The following FAT2 variants were observed in gnomAD, a reference collection of about 807,000 sequenced individuals.
The protein encoded by FAT2 is FAT atypical cadherin 2.
FAT2 carries 150 observed loss-of-function variants against 295.3 expected under a neutral mutation model. The observed-to-expected ratio is 0.51, with a 90% CI of 0.44 to 0.58. The LOEUF (loss-of-function observed/expected upper bound fraction) is 0.58. Among genes scored for constraint, FAT2 ranks in the 20% least tolerant of loss-of-function variants. The pLI is 0.00. For synonymous variants in FAT2, 2,026 were observed against 2,150.3 expected (o/e 0.94, Z 1.60); for missense variants, 4,868 against 5,442.7 (o/e 0.89, Z 3.32).
At chr5:151,580,323 G>A (rs966967111) in intron 1 of FAT2, among the ~76,000 whole-genome samples, 7 of 152,160 alleles carry the variant, frequency 4.6e-5, no homozygotes, top group African/African-American at 1.7e-4. Context: ...GCATTGAGGG[G>A]CAAAGCTGAG....
chr5:151,537,007 C>T (rs1755386908), intron 12 of FAT2, among the ~76,000 whole-genome samples: 3 of 152,192 alleles, frequency 2.0e-5, no homozygotes, highest in South Asian at 2.1e-4. Context: ...CCCCCACTCT[C>T]TTACCCCTGG....
chr5:151,563,817 G>A (rs756798836), intron 2 of FAT2, among the ~76,000 whole-genome samples, 178 bp from the exon 3 acceptor site: 1 of 152,198 alleles, frequency 6.6e-6, no homozygotes, highest in Non-Finnish European at 1.5e-5. Flanking sequence ...GTTGAACACA[G>A]GGGAATTAAT....
chr5:151,565,951 C>G lies in FAT2; in HGVS notation c.2981G>C (p.Gly994Ala). 1.2e-6 allele frequency: 2 copies of G among 1,613,996 alleles called. No homozygotes were observed. The highest frequency in any genetic ancestry group is 1.1e-5 in the South Asian group (1 of 91,066). The stretch of plus-strand genomic sequence containing the variant: ...ACTGGCCCACAGGCTCAGATTGTAC[C>G]CAGCTCGCCTCTCAAAGTCCAGCTC... The part of the protein sequence containing the change: ...ERELDFERRA[G>A]YNLSLWASDG... The change falls in exon 2 of 24, where the codon GGG becomes GCG. Residue 994 changes from glycine to alanine, a missense_variant. Physicochemically the swap from Gly to Ala is moderately conservative, Grantham distance 60. This residue lies in a region of FAT2 where 3,297 missense variants were observed against 3,669.4 expected (regional missense o/e 0.90). Transcript: ENST00000261800.
intron 2 of FAT2, among the ~76,000 whole-genome samples, chr5:151,565,089 A>AT (rs1287104496): frequency 6.6e-6 from 1 of 152,018 alleles, no homozygotes; most frequent in African/African-American, 2.4e-5. Flanking sequence ...AAAGAAAAGA[A>AT]TTTTTTTCTG....
rs1561831088 is a variant in FAT2, at chr5:151,528,030, T to G, written c.10130A>C (p.Glu3377Ala). 1.9e-6 allele frequency: 3 copies of G among 1,614,142 alleles called. No individual in the cohort carries two copies. In the East Asian group the frequency reaches 6.7e-5, roughly 36 times the overall value. ...GTCCAGGGCCTTGGCCACCTGTAGC[T>G]CCCCCTTTTTGGGGTGAATGGTGAA... ...GHFTIHPKKGELQVAKALDRE... is the reference protein window; with the variant it reads ...GHFTIHPKKGALQVAKALDRE... The change falls in exon 16 of 24, where the codon GAG becomes GCG. Residue 3377 changes from glutamate (E) to alanine (A), a missense_variant. By Grantham distance (107) the Glu-to-Ala change is moderately radical. Coordinates refer to ENST00000261800, the MANE Select transcript of FAT2 (RefSeq NM_001447.3).
At position 151,573,674 on chromosome 5, in the gene FAT2, G is replaced by C. The variant is rs187800867; in HGVS notation, c.-20-4723C>G. On this transcript the variant is annotated intron_variant, in intron 1 of 23. Coordinates refer to ENST00000261800, the MANE Select transcript of FAT2 (RefSeq NM_001447.3). ...TCTCAAAATAAAACAAAACAAAAAAGACTTTCAGACAAATTATTCCGTCAT... is the reference window on the plus strand; with the variant it reads ...TCTCAAAATAAAACAAAACAAAAAACACTTTCAGACAAATTATTCCGTCAT... Among the ~76,000 whole-genome samples the C allele has an allele frequency of 1.5e-3, 232 of 152,124 alleles. 2 individuals carry two copies. Among genetic ancestry groups the C allele is most frequent in the African/African-American group, 5.3e-3 (220 of 41,516 alleles).
rs80262710 is a variant in FAT2 at position 151,529,003 on chromosome 5, G to T, written c.10026+175C>A. Among the ~76,000 whole-genome samples, 4 of 152,092 alleles carry T rather than the reference G, an allele frequency of 2.6e-5. 1 individual carries two copies. Among genetic ancestry groups the T allele is most frequent in the Non-Finnish European group, 5.9e-5 (4 of 68,012 alleles). On this transcript the variant is annotated intron_variant, in intron 15 of 23. Coordinates refer to ENST00000261800, the MANE Select transcript of FAT2 (RefSeq NM_001447.3). ...TTCTCTCAGGAGAGATAGTTTGGCC[G>T]AGCATTGTTTGGCCATACTCAAATC...
chr5:151,545,081 G>C lies in FAT2; in HGVS notation c.6046C>G (p.Gln2016Glu), dbSNP rs1181843677. 6.2e-7 allele frequency: 1 copy of C among 1,614,176 alleles called. No homozygotes were observed. The change falls in exon 10 of 24, where the codon CAG becomes GAG. Residue 2016 changes from glutamine (Q) to glutamate (E), a missense_variant. Around this residue, in one of 5 missense-constraint regions of FAT2, gnomAD observed 3,297 missense variants for 3,669.4 expected, o/e 0.90. Coordinates refer to ENST00000261800, the MANE Select transcript of FAT2 (RefSeq NM_001447.3). ...CTTGTCTGCAACACACCTGCTGACT[G>C]GACCATATGAAACATATCTGTGCCA... ...LNGTDMFHMVQSAGVLQTRGV... is the reference protein window; with the variant it reads ...LNGTDMFHMVESAGVLQTRGV...
rs2127619675 is a variant in FAT2 at position 151,549,487 on chromosome 5, G to A, written c.4597C>T (p.Pro1533Ser). 2 of 1,614,172 alleles carry A rather than the reference G, an allele frequency of 1.2e-6. No individual in the cohort carries two copies. The highest frequency in any genetic ancestry group is 1.1e-5 in the South Asian group (1 of 91,078). ...ACCCACACGAAGTTCCTCTTGATAG[G>A]TATTTCCTGGTCTCGGACCTATGGG... ...LTVMVRDQEI[P>S]IKRNFVWVTI... The change falls in exon 9 of 24, where the codon CCT becomes TCT. Residue 1533 changes from proline to serine, a missense_variant. Physicochemically the swap from Pro to Ser is moderately conservative, Grantham distance 74. This residue lies in a region of FAT2 where 3,297 missense variants were observed against 3,669.4 expected (regional missense o/e 0.90). Transcript: ENST00000261800.
chr5:151,544,520 G>A lies in FAT2; in HGVS notation c.6607C>T (p.Leu2203Phe). The A allele has an allele frequency of 6.2e-7, 1 of 1,614,086 alleles. No homozygotes were observed. The highest frequency in any genetic ancestry group is 8.5e-7 in the Non-Finnish European group (1 of 1,180,004). ...TCTTCCTCCACAATGTTGTAGATGA[G>A]CCGGAGTCCCTCTGGACTCCGGGCC... ...TQARSPEGLR[L>F]IYNIVEEEPL... The change falls in exon 10 of 24, where the codon CTC (leucine) becomes TTC (phenylalanine). Residue 2203 changes from leucine to phenylalanine, a missense_variant. Leu to Phe is a conservative substitution (Grantham distance 22). Coordinates refer to ENST00000261800, the MANE Select transcript of FAT2 (RefSeq NM_001447.3).
In FAT2 at chr5:151,568,482, T is replaced by G. The variant is rs1466522548; in HGVS notation, c.450A>C (p.Pro150=). The G allele has an allele frequency of 6.2e-7, 1 of 1,613,942 alleles. No individual in the cohort carries two copies. Among genetic ancestry groups the G allele is most frequent in the East Asian group, 2.2e-5 (1 of 44,866 alleles). Reference sequence around the variant, plus strand: ...CAGAGATGGTGACTCTGTACGAAGGTGGAGAGAAGAGAGGCTTCAGGTCAT... The same window carrying G: ...CAGAGATGGTGACTCTGTACGAAGGGGGAGAGAAGAGAGGCTTCAGGTCAT... ...DQNDLKPLFS[P]PSYRVTISED... Residue 150 remains proline, a synonymous_variant, in exon 2 of 24, where the codon CCA becomes CCC. Coordinates refer to ENST00000261800, the MANE Select transcript of FAT2 (RefSeq NM_001447.3).
rs919480310 is a variant in FAT2, at chr5:151,508,475, C to T, written c.12060-864G>A. ...CTGTAATCCCAGCACTTTGGGCAGC[C>T]GAGTCAGCGGGATCACTTGAGGTCA... On this transcript the variant is annotated intron_variant, in intron 22 of 23. Coordinates refer to ENST00000261800, the MANE Select transcript of FAT2 (RefSeq NM_001447.3). 2.9e-4 allele frequency among the ~76,000 whole-genome samples: 44 copies of T among 152,068 alleles called. 2 individuals carry two copies. The highest frequency in any genetic ancestry group is 1.3e-4 in the Admixed American group (2 of 15,268).
In FAT2 at chr5:151,554,396, C is replaced by T. The variant is rs772722613; in HGVS notation, c.3911G>A (p.Ser1304Asn). 3.7e-6 allele frequency: 6 copies of T among 1,614,048 alleles called. No individual in the cohort carries two copies. In the South Asian group the frequency reaches 6.6e-5, roughly 18 times the overall value. Residue 1304 changes from serine (S) to asparagine (N), a missense_variant, in exon 5 of 24, where the codon AGC becomes AAC. Ser to Asn is a conservative substitution (Grantham distance 46, BLOSUM62 1). Coordinates refer to ENST00000261800, the MANE Select transcript of FAT2 (RefSeq NM_001447.3). ...DLVTGVVSSS[S>N]TFTAGEYNIL... Reference sequence around the variant, plus strand: ...GTTGTACTCTCCAGCTGTAAAAGTGCTGCTGGATGAAACCACACCTGTGAC... The same window carrying T: ...GTTGTACTCTCCAGCTGTAAAAGTGTTGCTGGATGAAACCACACCTGTGAC...
At chr5:151,507,786 C>CAGTAA (rs1761014857) in intron 22 of FAT2, among the ~76,000 whole-genome samples, 175 bp from the exon 23 acceptor site, 1 of 152,096 alleles carries the variant, frequency 6.6e-6, no homozygotes, top group Non-Finnish European at 1.5e-5. Context: ...CACCTTCCAC[C>CAGTAA]AGTAAAGTAT....
chr5:151,513,855 C>T (rs139001961), intron 20 of FAT2, among the ~76,000 whole-genome samples: 227 of 152,252 alleles, frequency 1.5e-3, no homozygotes, highest in African/African-American at 5.2e-3. Context: ...GTTTTAATGT[C>T]TAATACTGAA....
chr5:151,531,456 A>G lies in FAT2; in HGVS notation c.9811+131T>C. On this transcript the variant is annotated intron_variant, in intron 14 of 23. Transcript: ENST00000261800. This position sits in a 1 kb window ranked among gnomAD's most constrained non-coding sequence, Gnocchi z 5.7. ...GGTACTCGGAGAGAAGCAGAAGAGA[A>G]TGGAGAAACGACCAGAGGAGGTCTG... 8.0e-7 allele frequency: 1 copy of G among 1,249,628 alleles called. No homozygotes were observed. Among genetic ancestry groups the G allele is most frequent in the Non-Finnish European group, 1.1e-6 (1 of 908,576 alleles). The allele number at this position is 1,249,628 out of a possible 1,614,324, so 77.4% of individuals were successfully genotyped here.
intron 18 of FAT2, among the ~76,000 whole-genome samples, chr5:151,524,531 C>T (rs191771009): frequency 2.0e-5 from 3 of 152,334 alleles, no homozygotes; most frequent in Non-Finnish European, 2.9e-5. Flanking sequence ...GACTTCCAGC[C>T]TCCAGAACTG....
intron 5 of FAT2, 78 bp downstream of exon 5, chr5:151,554,284 C>T: frequency 2.9e-6 from 4 of 1,364,282 alleles, no homozygotes; most frequent in South Asian, 1.4e-5. Flanking sequence ...TGGGCTGTCT[C>T]CCTCCTCCTG....
At chr5:151,546,416 C>G (rs1250999888) in intron 9 of FAT2, 79 bp from the exon 10 acceptor site, 2 of 1,104,810 alleles carry the variant, frequency 1.8e-6, no homozygotes, top group Non-Finnish European at 2.6e-6. Context: ...AGTAAAGGGT[C>G]TATCACACAA....
Sources: gnomAD v4.1 joint callset for allele counts (sites outside exome capture counted in the v4.1 genomes callset) on GRCh38, gnomAD v4.1.1 for gene constraint, gnomAD v4.1.1 regional missense constraint, Gnocchi (gnomAD v3.1) non-coding constraint, MANE v1.5 for transcripts, NCBI Gene and HGNC (gene_info 2026-07-23, HGNC 2026-07-21) for gene names.